The following PNPLA1 variants were observed in gnomAD, a reference collection of about 807,000 sequenced individuals.
PNPLA1 encodes patatin like domain 1, omega-hydroxyceramide transacylase.
In PNPLA1, 36 loss-of-function variants were observed where a neutral mutation model predicts 51.7. The observed-to-expected ratio is 0.70, with a 90% CI of 0.53 to 0.92. PNPLA1 has a LOEUF of 0.92. Ranked by LOEUF, PNPLA1 falls within the 40% of genes least tolerant of loss-of-function variation. The pLI is 0.00. For synonymous variants in PNPLA1, 293 were observed against 280.1 expected, an observed-to-expected ratio of 1.05 and a Z score of -0.46; for missense variants, 658 against 682.5, an observed-to-expected ratio of 0.96 and a Z score of 0.40.
rs1328774558 is a variant in PNPLA1, at chr6:36,293,094, T to G, written c.472T>G (p.Cys158Gly). ...LYCSCFVPVY[C>G]GLIPPTYRGV... ...CTGCAGCTGCTTCGTCCCGGTGTAC[T>G]GTGGCCTCATCCCCCCGACTTACCG... Residue 158 changes from cysteine to glycine, a missense_variant, in exon 3 of 9, where the codon TGT becomes GGT. Physicochemically the swap from Cys to Gly is radical, Grantham distance 159 (BLOSUM62 -3). Transcript: ENST00000636260. 1 of 1,614,080 alleles carries G rather than the reference T, an allele frequency of 6.2e-7. No homozygotes were observed. Among genetic ancestry groups the G allele is most frequent in the South Asian group, 1.1e-5 (1 of 91,070 alleles).
rs547037174 is a variant in PNPLA1, at chr6:36,275,948, T to TTTTCTTTCTTTCTTTC, written c.205+5296_205+5311dup. On this transcript the variant is annotated intron_variant, in intron 1 of 8. Coordinates refer to ENST00000636260, the MANE Select transcript of PNPLA1 (RefSeq NM_001374623.1). ...AATGGGACCTTTTTTACCTATGGCATTTTCTTTCTTTCTTTCTTTCTTTCT... is the reference window on the plus strand; with the variant it reads ...AATGGGACCTTTTTTACCTATGGCATTTTCTTTCTTTCTTTCTTTCTTTCTTTCTTTCTTTCTTTCT... 1.5e-4 allele frequency among the ~76,000 whole-genome samples: 21 copies of TTTTCTTTCTTTCTTTC among 141,302 alleles called. 2 individuals are homozygous for TTTTCTTTCTTTCTTTC. The highest frequency in any genetic ancestry group is 5.8e-4 in the African/African-American group (21 of 36,498). 92.7% of individuals were successfully genotyped at this position (141,302 alleles called of 152,430 possible). A position where few individuals can be genotyped will look rare whatever the true frequency, so the allele number is the denominator to read the frequency against.
rs1251913878 is a variant in PNPLA1 at position 36,294,443 on chromosome 6, G to T, written c.714+44G>T. The T allele has an allele frequency of 6.3e-7, 1 of 1,576,062 alleles. No individual in the cohort carries two copies. The highest frequency in any genetic ancestry group is 1.1e-5 in the South Asian group (1 of 88,954). On this transcript the variant is annotated intron_variant, in intron 4 of 8. Transcript: ENST00000636260. The surrounding 1 kb of genome is among the most constrained non-coding windows in gnomAD (Gnocchi z 4.2). Reference sequence around the variant, plus strand: ...CTGGGGAGTAGCAGAAGGTACCAGGGACTAGGGGTGGGGTTAGAGAGCCAC... The same window carrying T: ...CTGGGGAGTAGCAGAAGGTACCAGGTACTAGGGGTGGGGTTAGAGAGCCAC...
At chr6:36,254,036 T>G (rs1484533794) in intron 1 of PNPLA1, among the ~76,000 whole-genome samples, 1 of 152,124 alleles carries the variant, frequency 6.6e-6, no homozygotes, top group Non-Finnish European at 1.5e-5. Context: ...TACTGTTAAC[T>G]GAGCTAGAAA....
At chr6:36,311,138 G>T (rs1771399003) in intron 8 of PNPLA1, among the ~76,000 whole-genome samples, 1 of 152,242 alleles carries the variant, frequency 6.6e-6, no homozygotes, top group Admixed American at 6.5e-5. Flanking sequence ...GCCCAGCGGT[G>T]TGTATTTCAC....
At position 36,313,247 on chromosome 6, in the gene PNPLA1, T is replaced by G. The variant is rs1315578899; in HGVS notation, c.*1361T>G. Among the ~76,000 whole-genome samples the G allele has an allele frequency of 1.3e-5, 2 of 152,202 alleles. No individual in the cohort carries two copies. The highest frequency in any genetic ancestry group is 3.9e-4 in the East Asian group (2 of 5,194). ...TGCTGTTCACACCTCAGTGAAAATG[T>G]TCCGTGAGGAGGACAACTTCAGCCT... On this transcript the variant is annotated 3_prime_UTR_variant, in exon 9 of 9. Coordinates refer to ENST00000636260, the MANE Select transcript of PNPLA1 (RefSeq NM_001374623.1).
rs186808193 is a variant in PNPLA1 at position 36,263,091 on chromosome 6, T to C, written c.-81+19830T>C. Among the ~76,000 whole-genome samples, 4 of 152,324 alleles carry C rather than the reference T, an allele frequency of 2.6e-5. No individual in the cohort carries two copies. The East Asian group carries it at 7.7e-4, about 29-fold the overall frequency. On this transcript the variant is annotated intron_variant, in intron 1 of 7. Transcript: ENST00000312917. Reference sequence around the variant, plus strand: ...GTCAAATCGTTTAAAATAACCAAGATTTTATTTTATATGGGAGAGCATCCT... The same window carrying C: ...GTCAAATCGTTTAAAATAACCAAGACTTTATTTTATATGGGAGAGCATCCT...
intron 6 of PNPLA1, among the ~76,000 whole-genome samples, chr6:36,305,228 G>C (rs1219983916): frequency 6.6e-6 from 1 of 152,128 alleles, no homozygotes; most frequent in East Asian, 1.9e-4. Flanking sequence ...ATTACTGTTA[G>C]TGTATTTTAT....
rs765306721 is a variant in PNPLA1, at chr6:36,291,423, T to C, written c.309T>C (p.Phe103=). 1.9e-6 allele frequency: 3 copies of C among 1,614,090 alleles called. No individual in the cohort carries two copies. In the East Asian group the frequency reaches 6.7e-5, roughly 36 times the overall value. ...AGATGGTGCAGATGATGAGGCAGTT[T>C]CTGTACCGGGTCCTGCCCGAGGACT... ...SCKMVQMMRQ[F]LYRVLPEDSY... Residue 103 remains phenylalanine, a synonymous_variant, in exon 2 of 9, where the codon TTT becomes TTC. Coordinates refer to ENST00000636260, the MANE Select transcript of PNPLA1 (RefSeq NM_001374623.1).
At chr6:36,293,505 C>T (rs563859087) in intron 3 of PNPLA1, among the ~76,000 whole-genome samples, 4 of 152,304 alleles carry the variant, frequency 2.6e-5, no homozygotes, top group Non-Finnish European at 5.9e-5. Flanking sequence ...TTTAATGTGC[C>T]CTTGAATCAC....
At chr6:36,274,146 G>A (rs554973598) in intron 1 of PNPLA1, among the ~76,000 whole-genome samples, 1 of 152,312 alleles carries the variant, frequency 6.6e-6, no homozygotes, top group Admixed American at 6.5e-5. Flanking sequence ...CCTCACAACA[G>A]CCCTCCCAGG....
In PNPLA1 at chr6:36,307,685, G is replaced by A; in HGVS notation, c.1568G>A (p.Gly523Glu). The change falls in exon 8 of 9, where the codon GGA (glycine) becomes GAA (glutamate). Residue 523 changes from glycine (G) to glutamate (E), a missense_variant. Transcript: ENST00000636260. ...AGAAAAGGCTTCCCAAGACATTCGG[G>A]ATCCAAAAAACCAAGCAGCAAAGTG... ...GTRKGFPRHS[G>E]SKKPSSKVQS... 4 of 1,613,954 alleles carry A rather than the reference G, an allele frequency of 2.5e-6. No homozygotes were observed. The highest frequency in any genetic ancestry group is 2.5e-6 in the Non-Finnish European group (3 of 1,179,950).
Position 36,313,122 on chromosome 6 carries a change from G to A in PNPLA1, c.*1236G>A, listed in dbSNP as rs561404813. ...CTCCCCCGGGATTATGTGGTGCTGT[G>A]GTGTTGAGACAGGCTGCCCTGGAGT... On this transcript the variant is annotated 3_prime_UTR_variant, in exon 9 of 9. Coordinates refer to ENST00000636260, the MANE Select transcript of PNPLA1 (RefSeq NM_001374623.1). Among the ~76,000 whole-genome samples, 5 of 152,258 alleles carry A rather than the reference G, an allele frequency of 3.3e-5. No homozygotes were observed. In the South Asian group the frequency reaches 1.0e-3, roughly 32 times the overall value.
rs138653907 is a variant in PNPLA1, at chr6:36,286,891, G to T, written c.206-4429G>T. Among the ~76,000 whole-genome samples the T allele has an allele frequency of 9.4e-3, 1,413 of 150,042 alleles. 16 individuals carry two copies. The highest frequency in any genetic ancestry group is 0.013 in the Non-Finnish European group (899 of 67,668). ...GTAGAGACAGGGGTCTTGCTATGTT[G>T]CCAGAGCTGATCTCAAACTCCCGGG... On this transcript the variant is annotated intron_variant, in intron 1 of 8. Coordinates refer to ENST00000636260, the MANE Select transcript of PNPLA1 (RefSeq NM_001374623.1).
chr6:36,297,770 C>G (rs1027130380), intron 5 of PNPLA1, among the ~76,000 whole-genome samples: 1 of 152,086 alleles, frequency 6.6e-6, no homozygotes, highest in African/African-American at 2.4e-5. Context: ...AATATCCATC[C>G]GGCATTCAGG....
chr6:36,293,093 C>A lies in PNPLA1; in HGVS notation c.471C>A (p.Tyr157Ter). Residue 157 changes from tyrosine (Y) to a stop codon, truncating the protein, a stop_gained, in exon 3 of 9, where the codon TAC becomes TAA. Coordinates refer to ENST00000636260, the MANE Select transcript of PNPLA1 (RefSeq NM_001374623.1). LOFTEE classifies it high-confidence loss of function. The stretch of plus-strand genomic sequence containing the variant: ...ACTGCAGCTGCTTCGTCCCGGTGTA[C>A]TGTGGCCTCATCCCCCCGACTTACC... Reference protein sequence around the residue: ...ALYCSCFVPVYCGLIPPTYRG... With the variant: ...ALYCSCFVPV 6.2e-7 allele frequency: 1 copy of A among 1,614,128 alleles called. No homozygotes were observed. The highest frequency in any genetic ancestry group is 8.5e-7 in the Non-Finnish European group (1 of 1,179,998).
chr6:36,256,438 C>CAT (rs1487748080), intron 1 of PNPLA1, among the ~76,000 whole-genome samples: 5 of 151,790 alleles, frequency 3.3e-5, no homozygotes, highest in Admixed American at 6.6e-5. Flanking sequence ...AATTATCCCC[C>CAT]ATATATATAT....
At chr6:36,256,242 G>A (rs1042893345) in intron 1 of PNPLA1, among the ~76,000 whole-genome samples, 12 of 151,988 alleles carry the variant, frequency 7.9e-5, no homozygotes, top group Admixed American at 6.6e-4. Flanking sequence ...TGTAATCCTA[G>A]CACTTTGAGA....
intron 1 of PNPLA1, among the ~76,000 whole-genome samples, chr6:36,277,667 C>A (rs531181623): frequency 9.9e-5 from 15 of 152,168 alleles, no homozygotes; most frequent in Non-Finnish European, 1.8e-4. Context: ...AGTTTGAGGC[C>A]AGACTGGGCA....
intron 1 of PNPLA1, among the ~76,000 whole-genome samples, chr6:36,288,206 C>T (rs1770563116): frequency 6.6e-6 from 1 of 152,204 alleles, no homozygotes; most frequent in Non-Finnish European, 1.5e-5. Flanking sequence ...TGAGATTGTT[C>T]ATTGCATCGT....
Sources: allele counts gnomAD v4.1 joint callset (sites outside exome capture counted in the v4.1 genomes callset), GRCh38; gene constraint gnomAD v4.1.1; non-coding constraint Gnocchi (gnomAD v3.1); transcripts MANE v1.5; gene names NCBI Gene and HGNC (gene_info 2026-07-23, HGNC 2026-07-21).